GNG2: variants seen among roughly 807,000 people sequenced by gnomAD.
GNG2 encodes guanine nucleotide-binding protein G(I)/G(S)/G(O) subunit gamma-2.
In GNG2, 5 loss-of-function variants were observed where a neutral mutation model predicts 5.5. The ratio of observed to expected loss-of-function variants is 0.91; its 90% CI spans 0.48 to 1.92. The LOEUF (loss-of-function observed/expected upper bound fraction) is 1.92. GNG2 is among the 30% of genes most tolerant of loss of function. The probability of loss-of-function intolerance (pLI) is 0.01; values close to 1 mark genes in which losing one functional copy is unlikely to be tolerated. For missense variants in GNG2, 55 were observed against 88.4 expected, an observed-to-expected ratio of 0.62 and a Z score of 1.52; for synonymous variants, 28 against 32.0, an observed-to-expected ratio of 0.88 and a Z score of 0.42.
In GNG2 at chr14:51,950,771, G is replaced by T. The variant is rs1295736210; in HGVS notation, c.87+6G>T. 6.3e-7 allele frequency: 1 copy of T among 1,579,676 alleles called. No individual in the cohort carries two copies. On this transcript the variant is annotated splice_donor_region_variant and intron_variant, in intron 3 of 3. Transcript: ENST00000556766. The stretch of plus-strand genomic sequence containing the variant: ...CCAATATCGACAGGATAAAGGTGAG[G>T]ATGGTCTAACCCCACACTTCATCTA...
chr14:51,958,927 C>T (rs1889435863), intron 3 of GNG2, among the ~76,000 whole-genome samples: 1 of 152,214 alleles, frequency 6.6e-6, no homozygotes. Context: ...AAGCTTCTCT[C>T]ATCAAGATCA....
At chr14:51,855,739 A>T (rs574140444), upstream of GNG2, among the ~76,000 whole-genome samples, 1 of 152,154 alleles carries the variant, frequency 6.6e-6, no homozygotes, top group Non-Finnish European at 1.5e-5. Flanking sequence ...CAGCCCACAC[A>T]TGCACTCAAG....
chr14:51,959,014 T>C (rs28437731), intron 3 of GNG2, among the ~76,000 whole-genome samples: 6,481 of 152,268 alleles, frequency 0.043, 472 homozygotes, highest in African/African-American at 0.15. Context: ...TTTGACATGA[T>C]TGATGACTCA....
chr14:51,860,157 G>A (rs1431099548), upstream of GNG2, among the ~76,000 whole-genome samples: 3 of 151,886 alleles, frequency 2.0e-5, no homozygotes. Context: ...CAGTAAATCA[G>A]GAGGAACAGT....
intron 2 of GNG2, among the ~76,000 whole-genome samples, chr14:51,905,657 T>C (rs1333165747): frequency 6.6e-6 from 1 of 152,198 alleles, no homozygotes; most frequent in Non-Finnish European, 1.5e-5. Context: ...TTTGGCAGGG[T>C]GATATGGTTT....
intron 2 of GNG2, among the ~76,000 whole-genome samples, chr14:51,897,682 T>G (rs1009683235): frequency 1.3e-5 from 2 of 151,984 alleles, no homozygotes; most frequent in Admixed American, 6.6e-5. Flanking sequence ...TAGTGTAGGG[T>G]CCCTTCTCAC....
intron 2 of GNG2, among the ~76,000 whole-genome samples, chr14:51,832,059 C>T (rs1043591617): frequency 6.6e-6 from 1 of 152,012 alleles, no homozygotes; most frequent in African/African-American, 2.4e-5. Flanking sequence ...GTGGGAGGAT[C>T]GCTTGAGCCC....
At chr14:51,852,876 A>G (rs1048646449) in intron 2 of GNG2, among the ~76,000 whole-genome samples, 1 of 152,274 alleles carries the variant, frequency 6.6e-6, no homozygotes, top group African/African-American at 2.4e-5. Context: ...TTCCTTCATA[A>G]GAGCTTTCTA....
chr14:51,962,837 G>C (rs954453862), intron 3 of GNG2, among the ~76,000 whole-genome samples: 4 of 152,220 alleles, frequency 2.6e-5, no homozygotes, highest in Non-Finnish European at 5.9e-5. Flanking sequence ...CACGATTGCT[G>C]TGACTCATTA....
At chr14:51,857,008 A>G (rs1882193374), upstream of GNG2, among the ~76,000 whole-genome samples, 1 of 152,206 alleles carries the variant, frequency 6.6e-6, no homozygotes, top group African/African-American at 2.4e-5. Context: ...ATTTCTGCCA[A>G]TGATGCCTTT....
At chr14:51,889,285 G>A (rs983737510) in intron 2 of GNG2, among the ~76,000 whole-genome samples, 13 of 151,828 alleles carry the variant, frequency 8.6e-5, no homozygotes, top group Admixed American at 7.9e-4. Flanking sequence ...GCTAATTTTT[G>A]TATTTTTAGT....
chr14:51,829,479 C>G (rs900973251), intron 2 of GNG2, among the ~76,000 whole-genome samples: 2 of 152,128 alleles, frequency 1.3e-5, no homozygotes, highest in African/African-American at 4.8e-5. Context: ...CCAGGGTACT[C>G]ACGTGTCAAC....
At chr14:51,863,273 G>C (rs1594848848) in intron 1 of GNG2, among the ~76,000 whole-genome samples, 1 of 152,150 alleles carries the variant, frequency 6.6e-6, no homozygotes, top group East Asian at 1.9e-4. Context: ...CCTATTACTG[G>C]TTCTTACTAC....
At chr14:51,899,261 C>T (rs185253133) in intron 2 of GNG2, among the ~76,000 whole-genome samples, 359 of 152,270 alleles carry the variant, frequency 2.4e-3, no homozygotes, top group Non-Finnish European at 4.1e-3. Flanking sequence ...CTGGCTTTGC[C>T]TCCACCAGGT....
intron 2 of GNG2, among the ~76,000 whole-genome samples, chr14:51,914,480 TG>T (rs1886491475): frequency 1.5e-4 from 23 of 152,374 alleles, no homozygotes; most frequent in Admixed American, 1.2e-3. Flanking sequence ...TAAATCATCT[TG>T]GGTGTTAAGT....
chr14:51,921,137 C>A (rs1159905238), intron 2 of GNG2, among the ~76,000 whole-genome samples: 1 of 152,108 alleles, frequency 6.6e-6, no homozygotes, highest in Non-Finnish European at 1.5e-5. Flanking sequence ...GACTTGGGAA[C>A]CAGATTGTGA....
intron 2 of GNG2, among the ~76,000 whole-genome samples, chr14:51,891,232 G>A (rs1257956132): frequency 2.0e-5 from 3 of 152,120 alleles, no homozygotes; most frequent in Non-Finnish European, 2.9e-5. Flanking sequence ...CCTACTTTAA[G>A]GCAAATAGAA....
chr14:51,967,662 T>C lies in GNG2; in HGVS notation c.*975T>C, dbSNP rs1890001545. ...TGCCTCTTCAATACGTTTTCCAGAA[T>C]CCAAAGCATTTTGGTTTATCCAGGA... is the stretch of plus-strand genomic sequence containing the variant. On this transcript the variant is annotated 3_prime_UTR_variant, in exon 4 of 4. Coordinates refer to ENST00000556766, the MANE Select transcript of GNG2 (RefSeq NM_053064.5). 6.6e-6 allele frequency: 1 copy of C among 152,034 alleles called. No individual in the cohort carries two copies. Among genetic ancestry groups the C allele is most frequent in the Non-Finnish European group, 1.5e-5 (1 of 68,034 alleles). 9.4% of individuals were successfully genotyped at this position (152,034 alleles called of 1,614,324 possible).
intron 2 of GNG2, among the ~76,000 whole-genome samples, chr14:51,921,333 G>C (rs1437872813): frequency 6.6e-6 from 1 of 152,142 alleles, no homozygotes; most frequent in Non-Finnish European, 1.5e-5. Context: ...TGTAAGAAGT[G>C]TTAACTGCTA....
Sources: gnomAD v4.1 joint callset for allele counts (sites outside exome capture counted in the v4.1 genomes callset) on GRCh38, gnomAD v4.1.1 for gene constraint, MANE v1.5 for transcripts, NCBI Gene and HGNC (gene_info 2026-07-23, HGNC 2026-07-21) for gene names.